The following NR3C2 variants were observed in gnomAD, a reference collection of about 807,000 sequenced individuals.
NR3C2 encodes the protein nuclear receptor subfamily 3 group C member 2, also known as mineralocorticoid receptor.
A neutral mutation model predicts 86.4 loss-of-function variants in NR3C2; 15 were observed. The observed-to-expected ratio is 0.17, with a 90% CI of 0.12 to 0.27. The LOEUF is 0.27. Among genes scored for constraint, NR3C2 ranks in the 10% least tolerant of loss-of-function variants. The pLI, the probability that NR3C2 is intolerant of heterozygous loss-of-function variation, is 1.00. For synonymous variants in NR3C2, 458 were observed against 450.5 expected, an observed-to-expected ratio of 1.02 and a Z score of -0.21; for missense variants, 960 against 1,195.6, an observed-to-expected ratio of 0.80 and a Z score of 2.91.
At position 148,323,414 on chromosome 4, in the gene NR3C2, G is replaced by T. The variant is rs373321852; in HGVS notation, c.1758-63297C>A. ...AGCTGTGGTGGGCTCCACCCAGTTC[G>T]AGCTTCCTGGCTGCTTTGTTTACCT... is the stretch of plus-strand genomic sequence containing the variant. On this transcript the variant is annotated intron_variant, in intron 2 of 8. Coordinates refer to ENST00000358102, the MANE Select transcript of NR3C2 (RefSeq NM_000901.5). Among the ~76,000 whole-genome samples, 128 of 146,720 alleles carry T rather than the reference G, an allele frequency of 8.7e-4. 5 individuals carry two copies. In the East Asian group the frequency reaches 0.023, roughly 27 times the overall value.
chr4:148,265,823 T>C (rs1009092380), intron 2 of NR3C2, among the ~76,000 whole-genome samples: 4 of 152,110 alleles, frequency 2.6e-5, no homozygotes, highest in African/African-American at 9.7e-5. Flanking sequence ...GTGTTTAAAT[T>C]ATTCATTAAC....
intron 3 of NR3C2, among the ~76,000 whole-genome samples, chr4:148,249,274 G>A (rs568717569): frequency 4.6e-5 from 7 of 152,034 alleles, no homozygotes; most frequent in Non-Finnish European, 1.0e-4. Flanking sequence ...GGGATTGAGA[G>A]GAAGGAGGAG....
At chr4:148,244,172 G>A (rs1394753100) in intron 3 of NR3C2, among the ~76,000 whole-genome samples, 2 of 152,108 alleles carry the variant, frequency 1.3e-5, no homozygotes, top group Non-Finnish European at 2.9e-5. Flanking sequence ...CCAGTAACAC[G>A]AAAGCCATCC....
chr4:148,314,119 A>G (rs747513462), intron 2 of NR3C2, among the ~76,000 whole-genome samples: 8 of 152,170 alleles, frequency 5.3e-5, no homozygotes, highest in Non-Finnish European at 1.0e-4. Flanking sequence ...CTCAGTTAAA[A>G]GAAACCACAA....
At chr4:148,102,881 G>A (rs1170042140) in intron 8 of NR3C2, among the ~76,000 whole-genome samples, 3 of 152,172 alleles carry the variant, frequency 2.0e-5, no homozygotes, top group African/African-American at 4.8e-5. Context: ...AGCCCCACAC[G>A]ACGGTGGAAA....
intron 2 of NR3C2, among the ~76,000 whole-genome samples, chr4:148,379,504 G>A (rs72951997): frequency 0.012 from 1,752 of 152,260 alleles, 29 homozygotes; most frequent in African/African-American, 0.04. Flanking sequence ...TCAAGGTTGT[G>A]GAGAAGCACC....
At chr4:148,241,212 A>AGGAGAATC (rs1375335114) in intron 3 of NR3C2, among the ~76,000 whole-genome samples, 2 of 141,194 alleles carry the variant, frequency 1.4e-5, no homozygotes, top group East Asian at 4.7e-4. Flanking sequence ...AGGCTGAGGC[A>AGGAGAATC]GGAGAATCAC....
At chr4:148,137,170 A>T (rs189221473) in intron 6 of NR3C2, among the ~76,000 whole-genome samples, 1 of 152,294 alleles carries the variant, frequency 6.6e-6, no homozygotes, top group East Asian at 1.9e-4. Context: ...GTATGGTAGC[A>T]CTATATAATC....
intron 8 of NR3C2, among the ~76,000 whole-genome samples, chr4:148,108,579 G>A (rs562000948): frequency 6.6e-6 from 1 of 152,308 alleles, no homozygotes; most frequent in Admixed American, 6.5e-5. Flanking sequence ...TCAGCTTCTA[G>A]CATGGCCCCT....
At chr4:148,326,448 T>C (rs1161544825) in intron 2 of NR3C2, among the ~76,000 whole-genome samples, 1 of 151,882 alleles carries the variant, frequency 6.6e-6, no homozygotes, top group Non-Finnish European at 1.5e-5. Flanking sequence ...ATAAATATTT[T>C]TGAAGCATCT....
upstream of NR3C2, among the ~76,000 whole-genome samples, chr4:148,443,459 G>A (rs1292237857): frequency 6.6e-6 from 1 of 151,896 alleles, no homozygotes. Flanking sequence ...ACAGGAGGGG[G>A]GAAGGAACCA....
chr4:148,131,689 GC>G (rs1227998858), intron 6 of NR3C2, among the ~76,000 whole-genome samples: 1 of 152,294 alleles, frequency 6.6e-6, no homozygotes, highest in East Asian at 1.9e-4. Flanking sequence ...ATTGTGGTCT[GC>G]CTTACTGGTC....
chr4:148,273,879 G>A (rs1740818959), intron 2 of NR3C2, among the ~76,000 whole-genome samples: 1 of 152,176 alleles, frequency 6.6e-6, no homozygotes, highest in Non-Finnish European at 1.5e-5. Context: ...TGCACAGGGG[G>A]GTCACGCTGT....
intron 3 of NR3C2, among the ~76,000 whole-genome samples, chr4:148,247,000 T>C (rs1739345760): frequency 6.6e-6 from 1 of 152,224 alleles, no homozygotes; most frequent in Non-Finnish European, 1.5e-5. Flanking sequence ...CTTTTATTAC[T>C]ATTCCTTTTT....
intron 6 of NR3C2, 99 bp from the exon 7 acceptor site, chr4:148,120,387 T>C: frequency 6.9e-7 from 1 of 1,458,726 alleles, no homozygotes; most frequent in East Asian, 2.3e-5. Context: ...GAGTCAGAAT[T>C]CTCCTTTTGG....
intron 2 of NR3C2, among the ~76,000 whole-genome samples, chr4:148,402,244 A>C (rs1748206827): frequency 6.6e-6 from 1 of 152,192 alleles, no homozygotes. Flanking sequence ...TGCCAGATCA[A>C]ATTATGTTTC....
intron 3 of NR3C2, among the ~76,000 whole-genome samples, chr4:148,239,874 T>G (rs1398942202): frequency 6.6e-6 from 1 of 152,118 alleles, no homozygotes; most frequent in African/African-American, 2.4e-5. Flanking sequence ...GGTCAAACTT[T>G]GGAAGCTTCA....
chr4:148,440,314 G>A (rs528624233), intron 1 of NR3C2, among the ~76,000 whole-genome samples: 79 of 152,320 alleles, frequency 5.2e-4, no homozygotes, highest in Admixed American at 1.5e-3. Context: ...TGTCATCCAG[G>A]AAGCAGAGGT....
At chr4:148,130,980 G>A (rs1364581304) in intron 6 of NR3C2, among the ~76,000 whole-genome samples, 6 of 151,796 alleles carry the variant, frequency 4.0e-5, no homozygotes, top group Admixed American at 2.0e-4. Flanking sequence ...ACAGGCGCCC[G>A]CCACAATGCC....
Sources: allele counts gnomAD v4.1 joint callset (sites outside exome capture counted in the v4.1 genomes callset), GRCh38; gene constraint gnomAD v4.1.1; transcripts MANE v1.5; gene names NCBI Gene and HGNC (gene_info 2026-07-23, HGNC 2026-07-21).